Variants in PIGU observed in about 807,000 individuals in gnomAD.
PIGU encodes the protein phosphatidylinositol glycan anchor biosynthesis class U.
A neutral mutation model predicts 49.9 loss-of-function variants in PIGU; 24 were observed. The observed-to-expected ratio is 0.48, with a 90% CI of 0.35 to 0.68. The LOEUF is 0.68. Among genes scored for constraint, PIGU ranks in the 30% least tolerant of loss-of-function variants. PIGU has a pLI of 0.01. For synonymous variants in PIGU, 220 were observed against 205.7 expected, an observed-to-expected ratio of 1.07 and a Z score of -0.59; for missense variants, 490 against 532.6, an observed-to-expected ratio of 0.92 and a Z score of 0.79.
At chr20:34,575,267 A>G in intron 10 of PIGU, 21 bp from the exon 11 acceptor site, 1 of 1,611,596 alleles carries the variant, frequency 6.2e-7, no homozygotes, top group Non-Finnish European at 8.5e-7. Context: ...AGAGGGTTAC[A>G]GTTAGCCTGA....
chr20:34,636,246 T>C (rs1296335723), intron 5 of PIGU, among the ~76,000 whole-genome samples: 2 of 145,636 alleles, frequency 1.4e-5, no homozygotes, highest in Non-Finnish European at 3.0e-5. Context: ...AAAGTACAAA[T>C]AGAAATAAAG....
intron 4 of PIGU, among the ~76,000 whole-genome samples, chr20:34,639,534 ATGAG>A (rs1986082653): frequency 6.6e-6 from 1 of 152,220 alleles, no homozygotes; most frequent in Admixed American, 6.6e-5. Context: ...AGATGAAAGT[ATGAG>A]AGAGAGAGAG....
intron 1 of PIGU, 147 bp downstream of exon 1, chr20:34,676,809 A>C: frequency 3.5e-5 from 18 of 513,158 alleles, no homozygotes; most frequent in South Asian, 5.6e-5. Context: ...CCCCGCCCTC[A>C]GGCCCCGCCC....
chr20:34,570,330 C>T (rs763757430), intron 11 of PIGU, among the ~76,000 whole-genome samples: 1 of 152,204 alleles, frequency 6.6e-6, no homozygotes, highest in Non-Finnish European at 1.5e-5. Flanking sequence ...GTTCGGAAGG[C>T]CATCTGAGCA....
At chr20:34,649,405 T>A (rs1355985511) in intron 2 of PIGU, among the ~76,000 whole-genome samples, 7 of 151,382 alleles carry the variant, frequency 4.6e-5, no homozygotes, top group Non-Finnish European at 5.9e-5. Flanking sequence ...TTTTTTTTTC[T>A]GTGTTTTCTA....
intron 10 of PIGU, among the ~76,000 whole-genome samples, chr20:34,576,338 T>G (rs899816784): frequency 3.9e-5 from 6 of 152,230 alleles, no homozygotes; most frequent in Non-Finnish European, 2.9e-5. Context: ...CTGGCTACAT[T>G]AGTTTTCCAT....
chr20:34,610,474 A>C (rs1398710200), intron 7 of PIGU, among the ~76,000 whole-genome samples: 2 of 152,214 alleles, frequency 1.3e-5, no homozygotes, highest in African/African-American at 4.8e-5. Context: ...ATGAGAATAA[A>C]ATATCTAAGA....
chr20:34,605,126 G>A (rs143608821), intron 7 of PIGU, among the ~76,000 whole-genome samples: 3 of 152,010 alleles, frequency 2.0e-5, no homozygotes, highest in South Asian at 2.1e-4. Context: ...ATTTTTTTCC[G>A]CATGCTATCA....
chr20:34,586,959 C>T (rs1186467675), intron 8 of PIGU, among the ~76,000 whole-genome samples: 5 of 152,108 alleles, frequency 3.3e-5, no homozygotes, highest in South Asian at 2.1e-4. Flanking sequence ...CAGACCTTGG[C>T]GATGACCTTG....
intron 11 of PIGU, among the ~76,000 whole-genome samples, chr20:34,561,449 A>AT (rs1982505460): frequency 1.3e-5 from 2 of 152,074 alleles, no homozygotes; most frequent in African/African-American, 4.8e-5. Flanking sequence ...TGACCTGTCA[A>AT]TTCCCCCTAA....
chr20:34,579,962 T>G (rs993861219), intron 10 of PIGU, among the ~76,000 whole-genome samples: 1 of 152,208 alleles, frequency 6.6e-6, no homozygotes, highest in Non-Finnish European at 1.5e-5. Context: ...AACACACTCA[T>G]GAGTTATTTT....
chr20:34,562,415 C>T lies in PIGU; in HGVS notation c.1195-1436G>A, dbSNP rs1452885487. 3.9e-6 allele frequency: 5 copies of T among 1,286,434 alleles called. No homozygotes were observed. The African/African-American group carries it at 7.6e-5, about 20-fold the overall frequency. The allele number at this position is 1,286,434 out of a possible 1,614,324, so 79.7% of individuals were successfully genotyped here. On this transcript the variant is annotated intron_variant, in intron 11 of 11. Transcript: ENST00000217446. The stretch of plus-strand genomic sequence containing the variant: ...TGGGATCTAGACCTCCAGACCCTGT[C>T]CTGGGCAGCTTCTCACTGACCTGAA...
At chr20:34,567,972 G>C (rs1982845557) in intron 11 of PIGU, among the ~76,000 whole-genome samples, 1 of 152,138 alleles carries the variant, frequency 6.6e-6, no homozygotes, top group Admixed American at 6.6e-5. Context: ...AGCTCGTCAG[G>C]CTGCCCTGTC....
chr20:34,674,232 GTA>G (rs1987415011), intron 1 of PIGU, among the ~76,000 whole-genome samples: 1 of 151,708 alleles, frequency 6.6e-6, no homozygotes, highest in Admixed American at 6.6e-5. Context: ...GCGGGCACCT[GTA>G]ATCCCAGCTA....
chr20:34,591,954 G>A (rs945628623), intron 7 of PIGU, among the ~76,000 whole-genome samples: 1 of 152,156 alleles, frequency 6.6e-6, no homozygotes, highest in Non-Finnish European at 1.5e-5. Context: ...CTGGGAGGCC[G>A]AAGCGGGTGG....
Position 34,654,834 on chromosome 20 carries a change from G to A in PIGU, c.195+2346C>T, listed in dbSNP as rs894267231. On this transcript the variant is annotated intron_variant, in intron 2 of 11. Transcript: ENST00000217446. Reference sequence around the variant, plus strand: ...AGCCTGGCCAATATGGTGAAACCCCGTCTCCACTAAAAATACAAAAATTAG... The same window carrying A: ...AGCCTGGCCAATATGGTGAAACCCCATCTCCACTAAAAATACAAAAATTAG... Among the ~76,000 whole-genome samples, 2 of 114,566 alleles carry A rather than the reference G, an allele frequency of 1.7e-5. 1 individual carries two copies. The highest frequency in any genetic ancestry group is 3.7e-5 in the Non-Finnish European group (2 of 54,370). 75.2% of individuals were successfully genotyped at this position (114,566 alleles called of 152,430 possible).
chr20:34,647,065 C>T (rs981513732), intron 2 of PIGU, among the ~76,000 whole-genome samples: 3 of 152,122 alleles, frequency 2.0e-5, no homozygotes, highest in Non-Finnish European at 4.4e-5. Context: ...TGCAATGGCA[C>T]GATCTCAGCT....
intron 4 of PIGU, 66 bp downstream of exon 4, chr20:34,644,098 T>C: frequency 1.4e-6 from 2 of 1,394,152 alleles, no homozygotes; most frequent in Non-Finnish European, 2.0e-6. Context: ...TATAAGATCT[T>C]TGTAATAACA....
At chr20:34,635,875 CAA>C (rs796668421) in intron 5 of PIGU, among the ~76,000 whole-genome samples, 4 of 134,976 alleles carry the variant, frequency 3.0e-5, no homozygotes, top group Admixed American at 7.6e-5. Context: ...AGCTCAGTCT[CAA>C]AAAAAAAAAA....
Sources: gnomAD v4.1 joint callset for allele counts (sites outside exome capture counted in the v4.1 genomes callset) on GRCh38, gnomAD v4.1.1 for gene constraint, MANE v1.5 for transcripts, NCBI Gene and HGNC (gene_info 2026-07-23, HGNC 2026-07-21) for gene names.